The following LRRC8A variants were observed in gnomAD, a reference collection of about 807,000 sequenced individuals.
The protein encoded by LRRC8A is leucine rich repeat containing 8 VRAC subunit A.
A neutral mutation model predicts 52.5 loss-of-function variants in LRRC8A; 24 were observed. The ratio of observed to expected loss-of-function variants is 0.46; its 90% CI spans 0.33 to 0.64. The LOEUF is 0.64. Ranked by LOEUF, LRRC8A falls within the 30% of genes least tolerant of loss-of-function variation. The pLI is 0.02. For missense variants in LRRC8A, 677 were observed against 1,094.7 expected (o/e 0.62, Z 5.38); for synonymous variants, 492 against 494.2 (o/e 1.00, Z 0.06).
rs558182378 is a variant in LRRC8A at position 128,893,142 on chromosome 9, A to G, written c.-9+7021A>G. Among the ~76,000 whole-genome samples, 6 of 152,200 alleles carry G rather than the reference A, an allele frequency of 3.9e-5. No homozygotes were observed. In the East Asian group the frequency reaches 1.2e-3, roughly 29 times the overall value. On this transcript the variant is annotated intron_variant, in intron 2 of 3. Coordinates refer to ENST00000372600, the MANE Select transcript of LRRC8A (RefSeq NM_019594.4). Reference sequence around the variant, plus strand: ...TGACTGGCTCTGAGAGCAGATGGCCAACTCTGCCACACGGGGTCCTGAGCC... The same window carrying G: ...TGACTGGCTCTGAGAGCAGATGGCCGACTCTGCCACACGGGGTCCTGAGCC...
intron 3 of LRRC8A, among the ~76,000 whole-genome samples, chr9:128,913,473 G>A (rs1218006302): frequency 6.6e-6 from 1 of 152,182 alleles, no homozygotes; most frequent in South Asian, 2.1e-4. Context: ...GCGACAATCC[G>A]ACAATCCAGC....
chr9:128,893,191 C>T (rs758065447), intron 2 of LRRC8A, among the ~76,000 whole-genome samples: 1 of 151,954 alleles, frequency 6.6e-6, no homozygotes, highest in Non-Finnish European at 1.5e-5. Context: ...GAGTGGTCTG[C>T]GAGTTTTCGA....
intron 2 of LRRC8A, among the ~76,000 whole-genome samples, chr9:128,906,215 A>G (rs1564526010): frequency 6.6e-6 from 1 of 150,650 alleles, no homozygotes; most frequent in Non-Finnish European, 1.5e-5. Context: ...TGCAGCTTCA[A>G]CCTCCTGGAC....
At chr9:128,913,102 G>A (rs763484816) in intron 3 of LRRC8A, among the ~76,000 whole-genome samples, 2 of 152,210 alleles carry the variant, frequency 1.3e-5, no homozygotes, top group Non-Finnish European at 2.9e-5. Context: ...GGAGAGCAGA[G>A]AGGGAGAAGG....
chr9:128,885,834 G>A (rs147869169), intron 1 of LRRC8A, among the ~76,000 whole-genome samples, 181 bp from the exon 2 acceptor site: 5,277 of 152,204 alleles, frequency 0.035, 138 homozygotes, highest in Non-Finnish European at 0.051. Context: ...ACTTGAATGC[G>A]GGAGGCGGAG....
At chr9:128,882,874 G>A (rs796458068) in intron 1 of LRRC8A, 1 of 398,406 alleles carries the variant, frequency 2.5e-6, no homozygotes, top group Non-Finnish European at 4.4e-6. Context: ...AGGGCGAGGC[G>A]AGATCCAGTG....
chr9:128,896,019 A>C (rs1256590630), intron 2 of LRRC8A, among the ~76,000 whole-genome samples: 1 of 152,262 alleles, frequency 6.6e-6, no homozygotes, highest in Non-Finnish European at 1.5e-5. Flanking sequence ...GAATGTGCGC[A>C]GGCACTTAAG....
Position 128,892,305 on chromosome 9 carries a change from T to G in LRRC8A, c.-9+6184T>G, listed in dbSNP as rs1167358804. Among the ~76,000 whole-genome samples the G allele has an allele frequency of 6.6e-6, 1 of 152,104 alleles. No homozygotes were observed. Among genetic ancestry groups the G allele is most frequent in the African/African-American group, 2.4e-5 (1 of 41,428 alleles). ...CTGAGGCTGCACCTCCAGCCCCACC[T>G]GCTGCCTCTCTCTGCTTGGCTCCGG... On this transcript the variant is annotated intron_variant, in intron 2 of 3. Transcript: ENST00000372600. This position sits in a 1 kb window ranked among gnomAD's most constrained non-coding sequence, Gnocchi z 5.2.
rs1168095413 is a variant in LRRC8A at position 128,917,031 on chromosome 9, T to G, written c.*660T>G. The G allele has an allele frequency of 1.6e-5, 2 of 124,124 alleles. No individual in the cohort carries two copies. Among genetic ancestry groups the G allele is most frequent in the Non-Finnish European group, 3.5e-5 (2 of 56,708 alleles). The allele number at this position is 124,124 out of a possible 1,614,324, so 7.7% of individuals were successfully genotyped here. On this transcript the variant is annotated 3_prime_UTR_variant, in exon 4 of 4. Coordinates refer to ENST00000372600, the MANE Select transcript of LRRC8A (RefSeq NM_019594.4). ...TATTTGTGGCAGTTTTAGTTTTTTGTTTTTTTTTTTTTAATCAAAAAACAA... is the reference window on the plus strand; with the variant it reads ...TATTTGTGGCAGTTTTAGTTTTTTGGTTTTTTTTTTTTAATCAAAAAACAA...
intron 2 of LRRC8A, among the ~76,000 whole-genome samples, chr9:128,890,669 T>C (rs1839580873): frequency 6.6e-6 from 1 of 152,026 alleles, no homozygotes; most frequent in South Asian, 2.1e-4. Flanking sequence ...CCCCCAGTCC[T>C]CCCCCTGGCT....
intron 2 of LRRC8A, among the ~76,000 whole-genome samples, chr9:128,895,390 G>C (rs1839785017): frequency 1.3e-5 from 2 of 152,192 alleles, no homozygotes; most frequent in African/African-American, 4.8e-5. Context: ...CAGAGGCTTA[G>C]GCTAAACAAT....
intron 2 of LRRC8A, among the ~76,000 whole-genome samples, chr9:128,903,465 T>G (rs1300348047): frequency 1.4e-5 from 2 of 147,708 alleles, no homozygotes; most frequent in Admixed American, 1.4e-4. Flanking sequence ...CAGGCTGGAG[T>G]GCAGTGGCGT....
At chr9:128,906,316 ATTTTT>A (rs71383620) in intron 2 of LRRC8A, among the ~76,000 whole-genome samples, 4 of 79,288 alleles carry the variant, frequency 5.0e-5, no homozygotes, top group South Asian at 4.3e-4. Context: ...CCCATGTGGA[ATTTTT>A]TTTTTTTTTT....
intron 1 of LRRC8A, among the ~76,000 whole-genome samples, chr9:128,885,624 T>C (rs1564517063): frequency 1.3e-5 from 2 of 152,090 alleles, no homozygotes; most frequent in Non-Finnish European, 2.9e-5. Context: ...ACCTCTTTTG[T>C]CTGCCAGGCG....
intron 2 of LRRC8A, among the ~76,000 whole-genome samples, chr9:128,901,642 TATC>T (rs1840030909): frequency 6.6e-6 from 1 of 152,168 alleles, no homozygotes; most frequent in Non-Finnish European, 1.5e-5. Context: ...CCCTGCGTGG[TATC>T]ATGCCCACCA....
Position 128,916,093 on chromosome 9 carries a change from C to CT in LRRC8A, c.2158-3_2158-2insT. 1 of 1,597,696 alleles carries CT rather than the reference C, an allele frequency of 6.3e-7. No homozygotes were observed. Among genetic ancestry groups the CT allele is most frequent in the Non-Finnish European group, 8.6e-7 (1 of 1,168,950 alleles). ...ACTCTCACCCCTGCTTTTTTCCCTC[C>CT]AGATCGAGACGCTCCCTCCGGAGCT... On this transcript the variant is annotated splice_region_variant and splice_polypyrimidine_tract_variant and intron_variant, in intron 3 of 3. Coordinates refer to ENST00000372600, the MANE Select transcript of LRRC8A (RefSeq NM_019594.4). This position sits in a 1 kb window ranked among gnomAD's most constrained non-coding sequence, Gnocchi z 6.1.
Position 128,907,703 on chromosome 9 carries a change from A to G in LRRC8A, c.539A>G (p.Glu180Gly). ...TRALSETVVE[E>G]SDPKPAFSKM... is the part of the protein sequence containing the mutation. ...GCCCTGTCGGAGACAGTGGTGGAGG[A>G]GAGCGACCCCAAGCCGGCCTTCAGC... The change falls in exon 3 of 4, where the codon GAG (glutamate) becomes GGG (glycine). Residue 180 changes from glutamate to glycine, a missense_variant. Around this residue, in one of 4 missense-constraint regions of LRRC8A, gnomAD observed 422 missense variants for 741.5 expected, o/e 0.57. Transcript: ENST00000372600. This position sits in a 1 kb window ranked among gnomAD's most constrained non-coding sequence, Gnocchi z 9.3. The G allele has an allele frequency of 6.2e-7, 1 of 1,613,784 alleles. No homozygotes were observed. The highest frequency in any genetic ancestry group is 8.5e-7 in the Non-Finnish European group (1 of 1,179,880).
intron 3 of LRRC8A, among the ~76,000 whole-genome samples, chr9:128,915,269 A>C (rs1840758371): frequency 6.6e-6 from 1 of 152,188 alleles, no homozygotes; most frequent in African/African-American, 2.4e-5. Flanking sequence ...GTTGCTATTC[A>C]CAGGTACCTA....
At chr9:128,894,703 G>A (rs2130961965) in intron 2 of LRRC8A, among the ~76,000 whole-genome samples, 1 of 150,004 alleles carries the variant, frequency 6.7e-6, no homozygotes, top group Admixed American at 6.7e-5. Context: ...TGAGGCAGGA[G>A]AATCGCTTGA....
Sources: allele counts gnomAD v4.1 joint callset (sites outside exome capture counted in the v4.1 genomes callset), GRCh38; gene constraint gnomAD v4.1.1; regional missense constraint gnomAD v4.1.1; non-coding constraint Gnocchi (gnomAD v3.1); transcripts MANE v1.5; gene names NCBI Gene and HGNC (gene_info 2026-07-23, HGNC 2026-07-21).